RALGPS2: variants seen among roughly 807,000 people sequenced by gnomAD.
The protein encoded by RALGPS2 is Ral GEF with PH domain and SH3 binding motif 2.
Under a neutral mutation model 86.8 loss-of-function variants are expected in RALGPS2, and 43 were observed. That is an observed-to-expected ratio of 0.50 (90% confidence interval 0.39 to 0.64). The LOEUF (loss-of-function observed/expected upper bound fraction) is 0.64, where lower values mean the gene tolerates loss of function less well. Ranked by LOEUF, RALGPS2 falls within the 30% of genes least tolerant of loss-of-function variation. RALGPS2 has a pLI of 0.00. For missense variants in RALGPS2, 536 were observed against 694.6 expected, an observed-to-expected ratio of 0.77 and a Z score of 2.57; for synonymous variants, 243 against 231.3, an observed-to-expected ratio of 1.05 and a Z score of -0.46.
At chr1:178,808,258 CTG>C (rs1654829056) in intron 5 of RALGPS2, 130 bp downstream of exon 5, 3 of 672,806 alleles carry the variant, frequency 4.5e-6, no homozygotes, top group Middle Eastern at 4.2e-4. Flanking sequence ...AGTATTGTCT[CTG>C]TGCATGATCT....
At chr1:178,769,511 T>A (rs1457631161) in intron 1 of RALGPS2, among the ~76,000 whole-genome samples, 1 of 151,990 alleles carries the variant, frequency 6.6e-6, no homozygotes, top group Non-Finnish European at 1.5e-5. Flanking sequence ...TGCACTATGA[T>A]CAATGTCCAT....
At chr1:178,754,873 C>T (rs1240437860) in intron 1 of RALGPS2, among the ~76,000 whole-genome samples, 1 of 152,264 alleles carries the variant, frequency 6.6e-6, no homozygotes, top group African/African-American at 2.4e-5. Context: ...AATCTCAGTT[C>T]ACTGCAACTT....
chr1:178,777,017 T>C (rs945293839), intron 2 of RALGPS2, among the ~76,000 whole-genome samples, 196 bp downstream of exon 2: 3 of 152,002 alleles, frequency 2.0e-5, no homozygotes, highest in African/African-American at 4.8e-5. Context: ...TAGTTACATA[T>C]GTATACGTGT....
chr1:178,910,063 G>C (rs192035956), intron 19 of RALGPS2, among the ~76,000 whole-genome samples: 1 of 152,220 alleles, frequency 6.6e-6, no homozygotes, highest in Admixed American at 6.5e-5. Context: ...CTCTCAGTTT[G>C]AGTGTTATTG....
Position 178,878,940 on chromosome 1 carries a change from T to C in RALGPS2, c.784T>C (p.Ser262Pro). 1 of 1,612,708 alleles carries C rather than the reference T, an allele frequency of 6.2e-7. No individual in the cohort carries two copies. Among genetic ancestry groups the C allele is most frequent in the Non-Finnish European group, 8.5e-7 (1 of 1,179,446 alleles). Reference sequence around the variant, plus strand: ...GCCTCATGTCCAAAAATATCTCAACTCTGTTCAGTATATAGAAGAACTACA... The same window carrying C: ...GCCTCATGTCCAAAAATATCTCAACCCTGTTCAGTATATAGAAGAACTACA... The part of the protein sequence containing the change: ...MLPHVQKYLN[S>P]VQYIEELQKF... The change falls in exon 10 of 20, where the codon TCT (serine) becomes CCT (proline). Residue 262 changes from serine (S) to proline (P), a missense_variant. Physicochemically the swap from Ser to Pro is moderately conservative, Grantham distance 74. Around this residue, in one of 3 missense-constraint regions of RALGPS2, gnomAD observed 184 missense variants for 296.7 expected, o/e 0.62. Transcript: ENST00000367635.
chr1:178,741,768 A>G (rs1449309568), intron 1 of RALGPS2, among the ~76,000 whole-genome samples: 1 of 152,192 alleles, frequency 6.6e-6, no homozygotes, highest in Non-Finnish European at 1.5e-5. Context: ...ATGTAAAGCA[A>G]ATAGCAAAAT....
intron 1 of RALGPS2, among the ~76,000 whole-genome samples, chr1:178,774,991 A>G (rs956012129): frequency 3.3e-5 from 5 of 152,280 alleles, no homozygotes; most frequent in East Asian, 3.9e-4. Context: ...CCCAGCAACA[A>G]TTGCTTCCCA....
At chr1:178,817,938 T>A (rs1007845328) in intron 6 of RALGPS2, among the ~76,000 whole-genome samples, 6 of 152,362 alleles carry the variant, frequency 3.9e-5, no homozygotes, top group African/African-American at 1.4e-4. Flanking sequence ...AAAGGCAGAT[T>A]TGACTTCTTC....
chr1:178,858,207 CCTGT>C (rs765887700), intron 8 of RALGPS2, among the ~76,000 whole-genome samples: 12 of 152,140 alleles, frequency 7.9e-5, no homozygotes, highest in African/African-American at 2.9e-4. Flanking sequence ...ATACCATTAA[CCTGT>C]CTTAGTCCAG....
chr1:178,898,699 C>A (rs1660044628), intron 17 of RALGPS2, among the ~76,000 whole-genome samples: 1 of 151,798 alleles, frequency 6.6e-6, no homozygotes, highest in Non-Finnish European at 1.5e-5. Flanking sequence ...TTAACTGTAC[C>A]TCAGTGGGAT....
At chr1:178,748,284 C>G (rs926086333) in intron 1 of RALGPS2, among the ~76,000 whole-genome samples, 1 of 150,094 alleles carries the variant, frequency 6.7e-6, no homozygotes, top group African/African-American at 2.5e-5. Flanking sequence ...TGTGCCACTG[C>G]ACTCCAGCCT....
At chr1:178,821,845 G>A in intron 7 of RALGPS2, 141 bp downstream of exon 7, 1 of 705,786 alleles carries the variant, frequency 1.4e-6, no homozygotes, top group Non-Finnish European at 2.3e-6. Context: ...TCTATTCTTT[G>A]ATACCTACAT....
At chr1:178,864,531 AT>A (rs1420803075) in intron 8 of RALGPS2, among the ~76,000 whole-genome samples, 1 of 152,128 alleles carries the variant, frequency 6.6e-6, no homozygotes, top group Non-Finnish European at 1.5e-5. Context: ...TGAAAGCAAA[AT>A]TTTACATGTT....
intron 19 of RALGPS2, among the ~76,000 whole-genome samples, chr1:178,914,090 G>A (rs73039894): frequency 0.057 from 8,627 of 152,210 alleles, 839 homozygotes; most frequent in African/African-American, 0.2. Context: ...CCAGTAGACA[G>A]TGGGACATGC....
At chr1:178,742,088 A>G (rs1158779189) in intron 1 of RALGPS2, among the ~76,000 whole-genome samples, 2 of 149,522 alleles carry the variant, frequency 1.3e-5, no homozygotes, top group Non-Finnish European at 1.5e-5. Context: ...GTGAGCTGAG[A>G]TCGTGCCGCT....
chr1:178,869,462 T>C (rs1303000233), intron 8 of RALGPS2, among the ~76,000 whole-genome samples: 1 of 152,078 alleles, frequency 6.6e-6, no homozygotes, highest in Non-Finnish European at 1.5e-5. Flanking sequence ...TAGTTATCTG[T>C]GTAATTTGGG....
intron 19 of RALGPS2, among the ~76,000 whole-genome samples, chr1:178,915,531 G>A (rs1268221666): frequency 6.6e-6 from 1 of 152,144 alleles, no homozygotes; most frequent in Non-Finnish European, 1.5e-5. Flanking sequence ...CACCGCACCC[G>A]GCCAAATATG....
At chr1:178,783,578 G>A (rs1653499698) in intron 2 of RALGPS2, among the ~76,000 whole-genome samples, 1 of 152,138 alleles carries the variant, frequency 6.6e-6, no homozygotes, top group South Asian at 2.1e-4. Flanking sequence ...AATGACAAGT[G>A]CTTAAAACTA....
At chr1:178,909,629 CTTTTTCTTT>C (rs1437992555) in intron 19 of RALGPS2, among the ~76,000 whole-genome samples, 1 of 134,842 alleles carries the variant, frequency 7.4e-6, no homozygotes, top group Admixed American at 7.3e-5. Context: ...TTGTAATTCT[CTTTTTCTTT>C]TTTAATTTTT....
Sources: gnomAD v4.1 joint callset for allele counts (sites outside exome capture counted in the v4.1 genomes callset) on GRCh38, gnomAD v4.1.1 for gene constraint, gnomAD v4.1.1 regional missense constraint, MANE v1.5 for transcripts, NCBI Gene and HGNC (gene_info 2026-07-23, HGNC 2026-07-21) for gene names.